The following SLC16A7 variants were observed in gnomAD, a reference collection of about 807,000 sequenced individuals.
SLC16A7 encodes the protein solute carrier family 16 member 7.
A neutral mutation model predicts 34.9 loss-of-function variants in SLC16A7; 33 were observed. That is an observed-to-expected ratio of 0.94 (90% CI 0.72 to 1.26). SLC16A7 has a LOEUF of 1.26. Among genes scored for constraint, SLC16A7 ranks in the 50% most tolerant of loss-of-function variants. SLC16A7 has a pLI of 0.00. For synonymous variants in SLC16A7, 201 were observed against 206.6 expected, an observed-to-expected ratio of 0.97 and a Z score of 0.23; for missense variants, 573 against 578.1, an observed-to-expected ratio of 0.99 and a Z score of 0.09.
At chr12:59,659,364 G>T (rs1868709797) in intron 2 of SLC16A7, among the ~76,000 whole-genome samples, 1 of 152,008 alleles carries the variant, frequency 6.6e-6, no homozygotes, top group Admixed American at 6.6e-5. Flanking sequence ...AACCGAAGTG[G>T]TGAACATTGT....
At chr12:59,741,520 G>A (rs891151292) in intron 3 of SLC16A7, among the ~76,000 whole-genome samples, 18 of 152,246 alleles carry the variant, frequency 1.2e-4, no homozygotes, top group African/African-American at 2.6e-4. Context: ...ATACAGTGAC[G>A]GGTTCTGCTC....
At chr12:59,654,757 T>C (rs1002113107) in intron 1 of SLC16A7, among the ~76,000 whole-genome samples, 1 of 151,390 alleles carries the variant, frequency 6.6e-6, no homozygotes, top group Admixed American at 6.6e-5. Flanking sequence ...GAAACATCAC[T>C]CAAAAGTTAA....
At chr12:59,723,035 T>G (rs1814682510) in intron 3 of SLC16A7, among the ~76,000 whole-genome samples, 1 of 151,934 alleles carries the variant, frequency 6.6e-6, no homozygotes, top group Non-Finnish European at 1.5e-5. Flanking sequence ...ACAATGTGTG[T>G]TTAGAATGTA....
intron 1 of SLC16A7, among the ~76,000 whole-genome samples, chr12:59,653,296 A>T (rs1234204358): frequency 1.3e-5 from 2 of 151,746 alleles, no homozygotes; most frequent in Admixed American, 6.6e-5. Flanking sequence ...TTAACTAATG[A>T]TTCTCAAATA....
At chr12:59,690,032 C>CTTA (rs1871460861) in intron 2 of SLC16A7, among the ~76,000 whole-genome samples, 1 of 151,826 alleles carries the variant, frequency 6.6e-6, no homozygotes, top group Admixed American at 6.6e-5. Flanking sequence ...AGATTTCATT[C>CTTA]CTAGAAAGGA....
Position 59,774,666 on chromosome 12 carries a change from TAGCCTTCAACCTGC to T in SLC16A7, c.373_386del (p.Ala125ThrfsTer12). ...GTTTTGTTCTTTTTAGGTTTAGGTT[TAGCCTTCAACCTGC>T]AACCCGCCTTAACCATAATTGGCAA... On this transcript the variant is annotated frameshift_variant, in exon 5 of 6. Transcript: ENST00000547379. LOFTEE classifies it high-confidence loss of function. The T allele has an allele frequency of 6.3e-7, 1 of 1,582,350 alleles. No individual in the cohort carries two copies. Among genetic ancestry groups the T allele is most frequent in the East Asian group, 2.2e-5 (1 of 44,590 alleles).
chr12:59,693,191 C>G (rs553301892), intron 2 of SLC16A7, among the ~76,000 whole-genome samples: 1 of 151,864 alleles, frequency 6.6e-6, no homozygotes, highest in Non-Finnish European at 1.5e-5. Flanking sequence ...AGTCTAAGAA[C>G]TATTGATTAT....
In SLC16A7 at chr12:59,780,038, C is replaced by A; in HGVS notation, c.*359C>A. 5.3e-6 allele frequency: 1 copy of A among 187,140 alleles called. No individual in the cohort carries two copies. 11.6% of individuals were successfully genotyped at this position (187,140 alleles called of 1,614,324 possible). A position where few individuals can be genotyped will look rare whatever the true frequency, so the allele number is the denominator to read the frequency against. ...GTTTAAGTAGGTAGAAGGAGGATGC[C>A]TAATCCTACAAAGTGACCCTTTATA... On this transcript the variant is annotated 3_prime_UTR_variant, in exon 6 of 6. Transcript: ENST00000547379.
intron 1 of SLC16A7, among the ~76,000 whole-genome samples, chr12:59,623,150 A>G (rs1287573380): frequency 6.6e-6 from 1 of 150,520 alleles, no homozygotes; most frequent in Non-Finnish European, 1.5e-5. Flanking sequence ...TGTTAAATTC[A>G]TCTGTCATGG....
intron 2 of SLC16A7, among the ~76,000 whole-genome samples, chr12:59,656,226 T>G (rs2137024286): frequency 6.6e-6 from 1 of 152,118 alleles, no homozygotes; most frequent in East Asian, 1.9e-4. Context: ...AACAGAATAA[T>G]GGACCCCCAC....
chr12:59,719,487 C>T (rs1463147500), intron 3 of SLC16A7, among the ~76,000 whole-genome samples: 1 of 151,370 alleles, frequency 6.6e-6, no homozygotes, highest in Non-Finnish European at 1.5e-5. Flanking sequence ...TGTGTGATCC[C>T]AAAAAAATGA....
intron 1 of SLC16A7, among the ~76,000 whole-genome samples, chr12:59,613,858 G>T (rs1371840414): frequency 1.3e-5 from 2 of 152,154 alleles, no homozygotes; most frequent in Non-Finnish European, 2.9e-5. Context: ...TTATGTAAAT[G>T]AGGTATTTCT....
intron 1 of SLC16A7, among the ~76,000 whole-genome samples, chr12:59,646,008 G>A (rs1868248044): frequency 6.6e-6 from 1 of 152,146 alleles, no homozygotes; most frequent in African/African-American, 2.4e-5. Context: ...GTATCTGGTG[G>A]TAGTAATTTC....
intron 2 of SLC16A7, among the ~76,000 whole-genome samples, chr12:59,697,186 A>T (rs1565655000): frequency 6.6e-6 from 1 of 151,982 alleles, no homozygotes. Context: ...AATAGGGAAT[A>T]TAAATCAGAA....
At chr12:59,667,194 A>G (rs902806049) in intron 2 of SLC16A7, among the ~76,000 whole-genome samples, 1 of 152,156 alleles carries the variant, frequency 6.6e-6, no homozygotes, top group Non-Finnish European at 1.5e-5. Flanking sequence ...AGTCCCTCCC[A>G]CAACACGTGG....
rs17650311 is a variant in SLC16A7 at position 59,781,824 on chromosome 12, C to T, written c.*2145C>T. 0.2 allele frequency: 30,993 copies of T among 152,058 alleles called. 3,398 individuals carry two copies. Among genetic ancestry groups the T allele is most frequent in the East Asian group, 0.31 (1,599 of 5,162 alleles). 9.4% of individuals were successfully genotyped at this position (152,058 alleles called of 1,614,324 possible). ...GTGTCTTGAATTCTCTGAAAAGGCACATTAAACTAATATGAACATCAGATA... is the reference window on the plus strand; with the variant it reads ...GTGTCTTGAATTCTCTGAAAAGGCATATTAAACTAATATGAACATCAGATA... On this transcript the variant is annotated 3_prime_UTR_variant, in exon 6 of 6. Coordinates refer to ENST00000547379, the MANE Select transcript of SLC16A7 (RefSeq NM_001270623.2).
intron 3 of SLC16A7, among the ~76,000 whole-genome samples, chr12:59,727,726 TAGTG>T (rs1321113391): frequency 6.6e-6 from 1 of 152,096 alleles, no homozygotes; most frequent in Non-Finnish European, 1.5e-5. Context: ...AAACTGTTAA[TAGTG>T]AGAGTATTTG....
rs1883556142 is a variant in SLC16A7 at position 59,785,547 on chromosome 12, A to G, written c.*5868A>G. 6.6e-6 allele frequency: 1 copy of G among 152,100 alleles called. No individual in the cohort carries two copies. The highest frequency in any genetic ancestry group is 1.5e-5 in the Non-Finnish European group (1 of 68,030). 9.4% of individuals were successfully genotyped at this position (152,100 alleles called of 1,614,324 possible). On this transcript the variant is annotated 3_prime_UTR_variant, in exon 6 of 6. Coordinates refer to ENST00000547379, the MANE Select transcript of SLC16A7 (RefSeq NM_001270623.2). ...TAAATGTTTTCCTTTCTATGTTTTTATAATATCTAGGTAAAACTTGTTTAG... is the reference window on the plus strand; with the variant it reads ...TAAATGTTTTCCTTTCTATGTTTTTGTAATATCTAGGTAAAACTTGTTTAG...
At chr12:59,604,934 C>T (rs183663496) in intron 1 of SLC16A7, among the ~76,000 whole-genome samples, 10 of 152,172 alleles carry the variant, frequency 6.6e-5, no homozygotes, top group Admixed American at 2.6e-4. Context: ...GCCAGCTCTG[C>T]GTCCTAGGTT....
Sources: gnomAD v4.1 joint callset for allele counts (sites outside exome capture counted in the v4.1 genomes callset) on GRCh38, gnomAD v4.1.1 for gene constraint, MANE v1.5 for transcripts, NCBI Gene and HGNC (gene_info 2026-07-23, HGNC 2026-07-21) for gene names.